SNX29: variants seen among roughly 807,000 people sequenced by gnomAD.
SNX29 encodes the protein sorting nexin-29.
A neutral mutation model predicts 102.1 loss-of-function variants in SNX29; 78 were observed. The ratio of observed to expected loss-of-function variants is 0.76; its 90% CI spans 0.64 to 0.92. SNX29 has a LOEUF of 0.92. Ranked by LOEUF, SNX29 falls within the 40% of genes least tolerant of loss-of-function variation. The pLI, the probability that SNX29 is intolerant of heterozygous loss-of-function variation, is 0.00. For synonymous variants in SNX29, 580 were observed against 414.5 expected (o/e 1.40, Z -4.85); for missense variants, 1,280 against 1,061.7 (o/e 1.21, Z -2.86).
chr16:12,487,561 A>T (rs2088310223), intron 19 of SNX29, among the ~76,000 whole-genome samples: 1 of 152,188 alleles, frequency 6.6e-6, no homozygotes, highest in South Asian at 2.1e-4. Context: ...CGCACCACCC[A>T]GCCCTCCGTG....
chr16:12,538,676 C>G (rs989059891), intron 20 of SNX29, among the ~76,000 whole-genome samples: 1 of 152,114 alleles, frequency 6.6e-6, no homozygotes, highest in African/African-American at 2.4e-5. Context: ...GATCTTTCAT[C>G]CTCCTCCCAG....
chr16:12,004,667 C>T (rs183438203), intron 3 of SNX29, among the ~76,000 whole-genome samples: 72 of 152,252 alleles, frequency 4.7e-4, no homozygotes, highest in African/African-American at 1.6e-3. Context: ...CTGTGTCCAT[C>T]GTTCCTCTTT....
At chr16:12,458,697 G>T (rs1341845351) in intron 18 of SNX29, among the ~76,000 whole-genome samples, 1 of 152,124 alleles carries the variant, frequency 6.6e-6, no homozygotes, top group South Asian at 2.1e-4. Context: ...ACCCAGAAAG[G>T]GCAATGCTGT....
chr16:11,984,518 T>C (rs1169284562), intron 1 of SNX29, among the ~76,000 whole-genome samples: 2 of 152,194 alleles, frequency 1.3e-5, no homozygotes, highest in African/African-American at 4.8e-5. Context: ...TTGATCACTT[T>C]TATGGAATGT....
intron 19 of SNX29, among the ~76,000 whole-genome samples, chr16:12,480,108 TC>T: frequency 6.6e-6 from 1 of 152,210 alleles, no homozygotes; most frequent in East Asian, 1.9e-4. Context: ...TTAGAACCTG[TC>T]AACAACATTA....
At chr16:12,554,083 C>T (rs1329427289) in intron 20 of SNX29, among the ~76,000 whole-genome samples, 1 of 152,200 alleles carries the variant, frequency 6.6e-6, no homozygotes, top group Non-Finnish European at 1.5e-5. Context: ...ACCTTGGCCT[C>T]CCAAAAGCAC....
intron 3 of SNX29, among the ~76,000 whole-genome samples, chr16:12,010,919 G>T (rs2056627006): frequency 6.6e-6 from 1 of 151,942 alleles, no homozygotes. Context: ...GCTTTTTCAG[G>T]CTTTTTTTTC....
At chr16:12,371,363 C>A (rs75231896) in intron 16 of SNX29, among the ~76,000 whole-genome samples, 14,248 of 151,910 alleles carry the variant, frequency 0.094, 1,435 homozygotes, top group African/African-American at 0.25. Flanking sequence ...CAGTGGTGTA[C>A]TTATAGCTCA....
At chr16:12,112,779 A>G (rs1026650926) in intron 11 of SNX29, among the ~76,000 whole-genome samples, 7 of 152,216 alleles carry the variant, frequency 4.6e-5, no homozygotes, top group Non-Finnish European at 8.8e-5. Flanking sequence ...CTGGTCCTCA[A>G]TAGCCTACTG....
At chr16:12,148,823 G>A (rs1198343525) in intron 13 of SNX29, among the ~76,000 whole-genome samples, 1 of 152,022 alleles carries the variant, frequency 6.6e-6, no homozygotes, top group Non-Finnish European at 1.5e-5. Flanking sequence ...TCAACCTCCT[G>A]AGTAGCTGGG....
intron 15 of SNX29, among the ~76,000 whole-genome samples, chr16:12,316,474 C>T (rs560426331): frequency 1.2e-4 from 18 of 152,216 alleles, no homozygotes; most frequent in African/African-American, 4.1e-4. Flanking sequence ...ATCCAGGAGG[C>T]GGAGGTTGCA....
At chr16:12,338,819 C>T (rs921249962) in intron 15 of SNX29, among the ~76,000 whole-genome samples, 4 of 152,004 alleles carry the variant, frequency 2.6e-5, no homozygotes, top group African/African-American at 4.8e-5. Context: ...ATGTGGGAGG[C>T]GCTTGTGGAA....
chr16:12,179,682 A>C (rs997649802), intron 13 of SNX29, among the ~76,000 whole-genome samples: 4 of 152,164 alleles, frequency 2.6e-5, no homozygotes, highest in Non-Finnish European at 4.4e-5. Flanking sequence ...GGTTATTGCA[A>C]GCTTCATCTG....
intron 18 of SNX29, among the ~76,000 whole-genome samples, chr16:12,456,425 C>G (rs564745865): frequency 5.9e-5 from 9 of 152,074 alleles, no homozygotes; most frequent in Admixed American, 2.6e-4. Flanking sequence ...ATACCAAATG[C>G]TGTGAAGAAG....
At chr16:12,040,955 A>C (rs2049856339) in intron 4 of SNX29, among the ~76,000 whole-genome samples, 1 of 152,168 alleles carries the variant, frequency 6.6e-6, no homozygotes, top group African/African-American at 2.4e-5. Flanking sequence ...CTGGGACTAC[A>C]GGCGTGCGCC....
At position 12,573,814 on chromosome 16, in the gene SNX29, C is replaced by G. The variant is rs2079236291; in HGVS notation, c.*5185C>G. The G allele has an allele frequency of 4.6e-6, 1 of 218,620 alleles. No homozygotes were observed. The highest frequency in any genetic ancestry group is 2.2e-5 in the African/African-American group (1 of 44,458). 13.5% of individuals were successfully genotyped at this position (218,620 alleles called of 1,614,324 possible). On this transcript the variant is annotated 3_prime_UTR_variant, in exon 21 of 21. Transcript: ENST00000566228. ...CGGAGTGAAGGGGATGGGGGTAGAG[C>G]TAATTGGAATTTTTATTATCCAGGA...
intron 18 of SNX29, among the ~76,000 whole-genome samples, chr16:12,430,419 C>T (rs975535452): frequency 1.3e-5 from 2 of 152,186 alleles, no homozygotes; most frequent in Non-Finnish European, 2.9e-5. Context: ...CAAGAACAGA[C>T]CTGAGGGGCA....
chr16:12,204,508 A>G (rs533838725), intron 14 of SNX29, among the ~76,000 whole-genome samples: 9 of 152,254 alleles, frequency 5.9e-5, no homozygotes, highest in African/African-American at 1.9e-4. Context: ...AGTCCTGTTC[A>G]ATAGCAATGG....
chr16:12,160,489 G>A (rs830704), intron 13 of SNX29, among the ~76,000 whole-genome samples: 63,191 of 152,020 alleles, frequency 0.42, 16,698 homozygotes, highest in African/African-American at 0.75. Context: ...TTCCATTCCT[G>A]TGAAACATCT....
Sources: allele counts gnomAD v4.1 joint callset (sites outside exome capture counted in the v4.1 genomes callset), GRCh38; gene constraint gnomAD v4.1.1; transcripts MANE v1.5; gene names NCBI Gene and HGNC (gene_info 2026-07-23, HGNC 2026-07-21).